Variants in EHBP1 observed in about 807,000 individuals in gnomAD.
The protein encoded by EHBP1 is EH domain-binding protein 1.
Under a neutral mutation model 144.0 loss-of-function variants are expected in EHBP1, and 55 were observed. The observed-to-expected ratio is 0.38, with a 90% CI of 0.31 to 0.48. The LOEUF (loss-of-function observed/expected upper bound fraction) is 0.48, where lower values mean the gene tolerates loss of function less well. Among genes scored for constraint, EHBP1 ranks in the 20% least tolerant of loss-of-function variants. The probability of loss-of-function intolerance (pLI) is 0.98; values close to 1 mark genes in which losing one functional copy is unlikely to be tolerated. For missense variants in EHBP1, 1,200 were observed against 1,364.2 expected (o/e 0.88, Z 1.90); for synonymous variants, 469 against 472.7 (o/e 0.99, Z 0.10).
chr2:62,920,255 T>C (rs1324099887), intron 10 of EHBP1, among the ~76,000 whole-genome samples: 1 of 152,076 alleles, frequency 6.6e-6, no homozygotes, highest in Non-Finnish European at 1.5e-5. Flanking sequence ...TCAGAAAGGA[T>C]CCTCATATCA....
At chr2:62,989,078 A>G (rs1009008957) in intron 15 of EHBP1, among the ~76,000 whole-genome samples, 7 of 152,166 alleles carry the variant, frequency 4.6e-5, no homozygotes, top group African/African-American at 1.7e-4. Flanking sequence ...CAGTATACTT[A>G]TAATTGTGCA....
intron 14 of EHBP1, among the ~76,000 whole-genome samples, chr2:62,958,615 G>A (rs1340376150): frequency 2.6e-5 from 4 of 152,126 alleles, no homozygotes; most frequent in African/African-American, 9.7e-5. Context: ...TATTGTGTCT[G>A]ATTACACAGG....
chr2:62,859,279 C>T lies in EHBP1; in HGVS notation c.745C>T (p.Pro249Ser), dbSNP rs1384829571. The T allele has an allele frequency of 1.2e-6, 2 of 1,601,026 alleles. No individual in the cohort carries two copies. The highest frequency in any genetic ancestry group is 1.7e-6 in the Non-Finnish European group (2 of 1,171,346). The change falls in exon 8 of 23, where the codon CCT becomes TCT. Residue 249 changes from proline (P) to serine (S), a missense_variant. Around this residue, in one of 6 missense-constraint regions of EHBP1, gnomAD observed 266 missense variants for 262.4 expected, o/e 1.01. Transcript: ENST00000431489. Reference protein sequence around the residue: ...DAAELNPFGDPDSEEPITETA... With the variant: ...DAAELNPFGDSDSEEPITETA... ...TGCAGAATTAAATCCATTTGGAGAT[C>T]CTGACTCAGAAGGTAGCAAGTTTTT... is the stretch of plus-strand genomic sequence containing the variant.
At chr2:62,879,613 GGA>G (rs2051218363) in intron 10 of EHBP1, among the ~76,000 whole-genome samples, 5 of 112,880 alleles carry the variant, frequency 4.4e-5, no homozygotes, top group African/African-American at 9.4e-5. Flanking sequence ...AGAGAGAGAG[GGA>G]GAGAGGGAGA....
chr2:62,678,235 T>C (rs1263152553), intron 1 of EHBP1, among the ~76,000 whole-genome samples: 1 of 152,244 alleles, frequency 6.6e-6, no homozygotes, highest in Non-Finnish European at 1.5e-5. Flanking sequence ...TGATGATCAA[T>C]GATGTTGAAA....
chr2:62,811,201 G>A (rs991464065), intron 5 of EHBP1, among the ~76,000 whole-genome samples: 3 of 152,026 alleles, frequency 2.0e-5, no homozygotes, highest in Non-Finnish European at 4.4e-5. Flanking sequence ...TCTTCCATCC[G>A]ACCATCTAAG....
chr2:62,702,378 T>C (rs1008539147), upstream of EHBP1, among the ~76,000 whole-genome samples: 2 of 152,104 alleles, frequency 1.3e-5, no homozygotes, highest in African/African-American at 2.4e-5. Context: ...AGGGAGACGA[T>C]AAATCAAGAT....
Position 62,935,466 on chromosome 2 carries a change from T to C in EHBP1, c.1186-7252T>C, listed in dbSNP as rs573015858. On this transcript the variant is annotated intron_variant, in intron 10 of 22. Transcript: ENST00000431489. ...TTGGATTTGTGCCAAGTACTTGACA[T>C]TTTTATGCCACTATGAATGGTTTTC... 1.1e-4 allele frequency among the ~76,000 whole-genome samples: 17 copies of C among 151,886 alleles called. 1 individual carries two copies. In the South Asian group the frequency reaches 3.5e-3, roughly 31 times the overall value.
Position 62,929,678 on chromosome 2 carries a change from A to G in EHBP1, c.1186-13040A>G, listed in dbSNP as rs192945049. Reference sequence around the variant, plus strand: ...CAAGGCAAGGATGCCCTCTCTTGCCAGTTGTCTTCAACATAGTATTGAAAG... The same window carrying G: ...CAAGGCAAGGATGCCCTCTCTTGCCGGTTGTCTTCAACATAGTATTGAAAG... On this transcript the variant is annotated intron_variant, in intron 10 of 22. Transcript: ENST00000431489. 3.3e-5 allele frequency among the ~76,000 whole-genome samples: 5 copies of G among 152,352 alleles called. No homozygotes were observed. In the East Asian group the frequency reaches 9.6e-4, roughly 29 times the overall value.
chr2:62,707,081 G>T lies in EHBP1; in HGVS notation c.-111G>T. 6 of 768,528 alleles carry T rather than the reference G, an allele frequency of 7.8e-6. No homozygotes were observed. In the Admixed American group the frequency reaches 1.0e-4, roughly 13 times the overall value. The allele number at this position is 768,528 out of a possible 1,614,324, so 47.6% of individuals were successfully genotyped here. A position where few individuals can be genotyped will look rare whatever the true frequency, so the allele number is the denominator to read the frequency against. On this transcript the variant is annotated 5_prime_UTR_variant, in exon 2 of 23. An upstream open reading frame in the 5' UTR loses its in-frame stop. Coordinates refer to ENST00000431489, the MANE Select transcript of EHBP1 (RefSeq NM_001142616.3). Reference sequence around the variant, plus strand: ...ACCCCAAGCATCATTTCGAGTTGTAGTTGAGTTTTTAAAAGACATACATGC... The same window carrying T: ...ACCCCAAGCATCATTTCGAGTTGTATTTGAGTTTTTAAAAGACATACATGC...
At chr2:62,894,937 G>GAGAGAGAA (rs1252926341) in intron 10 of EHBP1, among the ~76,000 whole-genome samples, 3 of 151,024 alleles carry the variant, frequency 2.0e-5, no homozygotes, top group Non-Finnish European at 4.4e-5. Flanking sequence ...AAGAGAGAGA[G>GAGAGAGAA]AGAGAGAGAG....
chr2:62,764,923 C>T (rs2041057000), intron 4 of EHBP1, among the ~76,000 whole-genome samples: 2 of 151,706 alleles, frequency 1.3e-5, no homozygotes, highest in Admixed American at 6.6e-5. Context: ...GTGATTTAAC[C>T]AAAAATTAAT....
chr2:62,822,760 G>T (rs2046076218), intron 5 of EHBP1, among the ~76,000 whole-genome samples: 1 of 152,156 alleles, frequency 6.6e-6, no homozygotes, highest in African/African-American at 2.4e-5. Context: ...CAATCTGAAA[G>T]TGTGAAACTG....
At chr2:63,024,792 C>T (rs1249316626) in intron 19 of EHBP1, among the ~76,000 whole-genome samples, 1 of 151,912 alleles carries the variant, frequency 6.6e-6, no homozygotes, top group Non-Finnish European at 1.5e-5. Flanking sequence ...AGGAGGATTG[C>T]TTGAGCCCAG....
intron 5 of EHBP1, among the ~76,000 whole-genome samples, chr2:62,792,636 C>G (rs1301851431): frequency 6.6e-6 from 1 of 151,978 alleles, no homozygotes; most frequent in Non-Finnish European, 1.5e-5. Context: ...AGTCTTGTAT[C>G]TCTCTGCTAA....
At chr2:62,855,089 G>A (rs894819229) in intron 7 of EHBP1, among the ~76,000 whole-genome samples, 2 of 152,186 alleles carry the variant, frequency 1.3e-5, no homozygotes, top group African/African-American at 4.8e-5. Context: ...TGCCCAAACG[G>A]CGGCTGCAGA....
intron 7 of EHBP1, 76 bp downstream of exon 7, chr2:62,831,234 A>T (rs1019619961): frequency 7.1e-7 from 1 of 1,406,858 alleles, no homozygotes; most frequent in Non-Finnish European, 9.6e-7. Flanking sequence ...TTTCCCAGGA[A>T]AAAACAATTC....
At chr2:62,839,468 CAT>C (rs1253043092) in intron 7 of EHBP1, among the ~76,000 whole-genome samples, 2 of 147,318 alleles carry the variant, frequency 1.4e-5, no homozygotes, top group African/African-American at 5.1e-5. Context: ...TCCTATTCAA[CAT>C]AGTGTTGGAA....
chr2:62,802,213 G>A (rs1290685545), intron 5 of EHBP1, among the ~76,000 whole-genome samples: 1 of 152,234 alleles, frequency 6.6e-6, no homozygotes, highest in African/African-American at 2.4e-5. Context: ...GAATGTAGTG[G>A]TGGGTAGAGT....
Sources: allele counts gnomAD v4.1 joint callset (sites outside exome capture counted in the v4.1 genomes callset), GRCh38; gene constraint gnomAD v4.1.1; regional missense constraint gnomAD v4.1.1; transcripts MANE v1.5; gene names NCBI Gene and HGNC (gene_info 2026-07-23, HGNC 2026-07-21).